The following RBM46 variants were observed in gnomAD, a reference collection of about 807,000 sequenced individuals.
RBM46 encodes the protein probable RNA-binding protein 46.
Under a neutral mutation model 43.3 loss-of-function variants are expected in RBM46, and 12 were observed. The ratio of observed to expected loss-of-function variants is 0.28; its 90% CI spans 0.18 to 0.45. The LOEUF (loss-of-function observed/expected upper bound fraction) is 0.45, where lower values mean the gene tolerates loss of function less well. RBM46 is among the 20% of genes least tolerant of loss of function. RBM46 has a pLI of 1.00. For missense variants in RBM46, 412 were observed against 639.1 expected (o/e 0.64, Z 3.83); for synonymous variants, 205 against 207.6 (o/e 0.99, Z 0.11).
In RBM46 at chr4:154,796,739, T is replaced by C. The variant is rs1041812751; in HGVS notation, c.-11-3T>C. 5.0e-6 allele frequency: 8 copies of C among 1,588,796 alleles called. No individual in the cohort carries two copies. In the African/African-American group the frequency reaches 1.1e-4, roughly 22 times the overall value. On this transcript the variant is annotated splice_polypyrimidine_tract_variant and splice_region_variant and intron_variant, in intron 1 of 4. Transcript: ENST00000281722. ...TAACCAGTGTTATTAAACTTTATTT[T>C]AGGAACTGCAACCATGAATGAAGAA...
chr4:154,787,377 C>T (rs1733835360), intron 1 of RBM46: 1 of 138,978 alleles, frequency 7.2e-6, no homozygotes, highest in Non-Finnish European at 1.5e-5. Context: ...TGTTCCCCAC[C>T]CTGTGTCCAA....
At chr4:154,801,395 A>G (rs558768362) in intron 4 of RBM46, among the ~76,000 whole-genome samples, 1 of 152,160 alleles carries the variant, frequency 6.6e-6, no homozygotes, top group Non-Finnish European at 1.5e-5. Flanking sequence ...GAAGCTAATA[A>G]ATTCTTAGTT....
Position 154,799,269 on chromosome 4 carries a change from T to G in RBM46, c.1107T>G (p.Thr369=), listed in dbSNP as rs748311531. 2 of 1,614,246 alleles carry G rather than the reference T, an allele frequency of 1.2e-6. No individual in the cohort carries two copies. Among genetic ancestry groups the G allele is most frequent in the South Asian group, 2.2e-5 (2 of 91,088 alleles). ...SPSPPEVERC[T]YPFYPGTKLT... is the part of the protein sequence containing the mutation. ...GTCCGCCTGAAGTTGAAAGATGCAC[T>G]TACCCTTTTTATCCTGGAACAAAGC... Residue 369 remains threonine, a synonymous_variant, in exon 4 of 5, where the codon ACT becomes ACG. Coordinates refer to ENST00000281722, the MANE Select transcript of RBM46 (RefSeq NM_144979.5).
intron 1 of RBM46, among the ~76,000 whole-genome samples, chr4:154,795,508 G>A (rs1007785532): frequency 2.6e-5 from 4 of 152,026 alleles, no homozygotes; most frequent in Non-Finnish European, 4.4e-5. Context: ...TGAGGGATTT[G>A]TTTGTTTCAG....
At chr4:154,823,547 T>C (rs1385085940) in intron 4 of RBM46, among the ~76,000 whole-genome samples, 1 of 151,952 alleles carries the variant, frequency 6.6e-6, no homozygotes, top group Admixed American at 6.6e-5. Flanking sequence ...TTTATCTCAC[T>C]TTAAAGTCTC....
At chr4:154,818,493 G>C (rs1013115716) in intron 4 of RBM46, among the ~76,000 whole-genome samples, 1 of 152,078 alleles carries the variant, frequency 6.6e-6, no homozygotes, top group African/African-American at 2.4e-5. Context: ...ATCATTCCCT[G>C]TACCCAGCTA....
At chr4:154,799,749 G>T in intron 4 of RBM46, among the ~76,000 whole-genome samples, 185 bp downstream of exon 4, 2 of 138,188 alleles carry the variant, frequency 1.4e-5, no homozygotes, top group African/African-American at 2.7e-5. Flanking sequence ...CCTACATTTA[G>T]CTTTTCTTTT....
chr4:154,797,010 C>A, intron 2 of RBM46, 107 bp downstream of exon 2: 2 of 842,328 alleles, frequency 2.4e-6, no homozygotes, highest in Non-Finnish European at 3.4e-6. Context: ...CTTGTAACTG[C>A]TTTAAGACAT....
intron 1 of RBM46, among the ~76,000 whole-genome samples, chr4:154,796,393 A>G (rs910971770): frequency 2.6e-5 from 4 of 152,198 alleles, no homozygotes; most frequent in African/African-American, 9.7e-5. Flanking sequence ...TGGCAGGTAT[A>G]TTCATTGATG....
chr4:154,811,466 A>G (rs1161662521), intron 4 of RBM46, among the ~76,000 whole-genome samples: 1 of 152,198 alleles, frequency 6.6e-6, no homozygotes, highest in African/African-American at 2.4e-5. Flanking sequence ...ATTCCCTTTT[A>G]TATATACTAA....
chr4:154,819,454 A>G (rs956330148), intron 4 of RBM46, among the ~76,000 whole-genome samples: 2 of 152,214 alleles, frequency 1.3e-5, no homozygotes. Context: ...AAAGAGGTGC[A>G]CATACGTTTG....
intron 4 of RBM46, among the ~76,000 whole-genome samples, chr4:154,814,557 T>C (rs1735334701): frequency 6.6e-6 from 1 of 151,950 alleles, no homozygotes; most frequent in African/African-American, 2.4e-5. Context: ...ATCCCAGCAT[T>C]TTTCCTGTTA....
chr4:154,825,449 A>C (rs1735913176), intron 4 of RBM46, among the ~76,000 whole-genome samples: 1 of 152,186 alleles, frequency 6.6e-6, no homozygotes, highest in African/African-American at 2.4e-5. Context: ...TTAGATTCTT[A>C]GTGATTTTAG....
At chr4:154,796,035 G>A (rs56890297) in intron 1 of RBM46, among the ~76,000 whole-genome samples, 19,064 of 152,164 alleles carry the variant, frequency 0.13, 2,046 homozygotes, top group East Asian at 0.44. Context: ...AGGCATGGTG[G>A]TGTGTGCCTG....
Position 154,828,123 on chromosome 4 carries a change from C to A in RBM46, c.*56C>A, listed in dbSNP as rs919950435. On this transcript the variant is annotated 3_prime_UTR_variant, in exon 5 of 5. Transcript: ENST00000281722. ...TGTAAATTTGTAGTATGAAAACTTG[C>A]AAATTAAAATATTGTTTTATTTTAG... The A allele has an allele frequency of 1.1e-5, 14 of 1,287,572 alleles. No homozygotes were observed. Among genetic ancestry groups the A allele is most frequent in the Non-Finnish European group, 1.5e-5 (13 of 888,898 alleles). 79.8% of individuals were successfully genotyped at this position (1,287,572 alleles called of 1,614,324 possible).
chr4:154,817,295 T>G (rs1478390660), intron 4 of RBM46, among the ~76,000 whole-genome samples: 1 of 151,648 alleles, frequency 6.6e-6, no homozygotes, highest in Non-Finnish European at 1.5e-5. Flanking sequence ...CTAAGTATGG[T>G]TAGAGCTGCA....
At chr4:154,819,804 AATAG>A (rs1185932232) in intron 4 of RBM46, among the ~76,000 whole-genome samples, 1 of 152,150 alleles carries the variant, frequency 6.6e-6, no homozygotes, top group Non-Finnish European at 1.5e-5. Flanking sequence ...TAACCACTAA[AATAG>A]ATGGATGCCC....
At chr4:154,811,922 C>G (rs1319710663) in intron 4 of RBM46, among the ~76,000 whole-genome samples, 9 of 151,904 alleles carry the variant, frequency 5.9e-5, no homozygotes, top group Admixed American at 5.9e-4. Flanking sequence ...CTCAAGTGAT[C>G]TGCCTGCCTC....
chr4:154,791,934 TC>T (rs923933172), intron 1 of RBM46, among the ~76,000 whole-genome samples: 21 of 152,214 alleles, frequency 1.4e-4, no homozygotes, highest in Non-Finnish European at 1.5e-5. Flanking sequence ...AAATAGTTTT[TC>T]GGAGAAGGTA....
Sources: gnomAD v4.1 joint callset for allele counts (sites outside exome capture counted in the v4.1 genomes callset) on GRCh38, gnomAD v4.1.1 for gene constraint, MANE v1.5 for transcripts, NCBI Gene and HGNC (gene_info 2026-07-23, HGNC 2026-07-21) for gene names.